Variants in COL24A1 observed in about 807,000 individuals in gnomAD.
COL24A1 encodes collagen type XXIV alpha 1 chain.
A neutral mutation model predicts 253.9 loss-of-function variants in COL24A1; 224 were observed. The ratio of observed to expected loss-of-function variants is 0.88; its 90% CI spans 0.79 to 0.99. COL24A1 has a LOEUF of 0.99. Ranked by LOEUF, COL24A1 falls within the 50% of genes least tolerant of loss-of-function variation. The probability of loss-of-function intolerance (pLI) is 0.00; values close to 1 mark genes in which losing one functional copy is unlikely to be tolerated. For missense variants in COL24A1, 2,131 were observed against 2,068.5 expected (o/e 1.03, Z -0.59); for synonymous variants, 685 against 673.7 (o/e 1.02, Z -0.26).
At chr1:85,893,444 C>T (rs966863758) in intron 31 of COL24A1, among the ~76,000 whole-genome samples, 22 of 152,146 alleles carry the variant, frequency 1.4e-4, no homozygotes, top group African/African-American at 5.1e-4. Context: ...AGAATTTTTA[C>T]ACCCATCTCA....
chr1:85,961,601 A>T (rs955651944), intron 23 of COL24A1, among the ~76,000 whole-genome samples: 1 of 152,190 alleles, frequency 6.6e-6, no homozygotes. Context: ...GTAACGTATC[A>T]GTCTGTTCTC....
intron 19 of COL24A1, among the ~76,000 whole-genome samples, chr1:85,997,067 A>ATATATATATATATATATATATC (rs1694884578): frequency 1.3e-5 from 1 of 79,230 alleles, no homozygotes; most frequent in Non-Finnish European, 2.7e-5. Flanking sequence ...ATATATATAT[A>ATATATATATATATATATATATC]TATATATATA....
intron 2 of COL24A1, among the ~76,000 whole-genome samples, chr1:86,128,141 C>T (rs1205622618): frequency 6.6e-6 from 1 of 151,970 alleles, no homozygotes; most frequent in African/African-American, 2.4e-5. Flanking sequence ...ATACCTTTGA[C>T]TTCTTATGTT....
At chr1:85,807,357 A>G (rs1306777181) in intron 47 of COL24A1, among the ~76,000 whole-genome samples, 1 of 152,252 alleles carries the variant, frequency 6.6e-6, no homozygotes, top group Admixed American at 6.5e-5. Context: ...GTTAAGAAAC[A>G]TCATTGGAAA....
chr1:86,041,576 A>G (rs1699486990), intron 12 of COL24A1, among the ~76,000 whole-genome samples: 1 of 152,124 alleles, frequency 6.6e-6, no homozygotes, highest in Non-Finnish European at 1.5e-5. Flanking sequence ...ACTTTGCACT[A>G]AAAAGGAAGC....
At chr1:86,008,562 C>T (rs947989048) in intron 19 of COL24A1, among the ~76,000 whole-genome samples, 2 of 152,128 alleles carry the variant, frequency 1.3e-5, no homozygotes, top group Admixed American at 6.5e-5. Context: ...CATGAGGAAT[C>T]ACTATAATGT....
chr1:85,786,244 A>T lies in COL24A1; in HGVS notation c.4059+110T>A. ...TCCTAACGTGCTTTTACTATTAGCCAAATTCTATTAAAAACTATTAATCTT... is the reference window on the plus strand; with the variant it reads ...TCCTAACGTGCTTTTACTATTAGCCTAATTCTATTAAAAACTATTAATCTT... On this transcript the variant is annotated intron_variant, in intron 48 of 59. Coordinates refer to ENST00000370571, the MANE Select transcript of COL24A1 (RefSeq NM_152890.7). 6.2e-6 allele frequency: 6 copies of T among 965,168 alleles called. No homozygotes were observed. In the Admixed American group the frequency reaches 1.4e-4, roughly 23 times the overall value. 59.8% of individuals were successfully genotyped at this position (965,168 alleles called of 1,614,324 possible). A position where few individuals can be genotyped will look rare whatever the true frequency, so the allele number is the denominator to read the frequency against.
Position 85,863,766 on chromosome 1 carries a change from A to G in COL24A1, c.3300+4753T>C, listed in dbSNP as rs1268412233. On this transcript the variant is annotated intron_variant, in intron 37 of 59. Transcript: ENST00000370571. ...GTGAACAGACACTTCTCAAAAGAAG[A>G]CATCTATGCAGCCAACAGACAGATG... Among the ~76,000 whole-genome samples the G allele has an allele frequency of 3.3e-5, 5 of 152,348 alleles. No homozygotes were observed. The East Asian group carries it at 9.6e-4, about 29-fold the overall frequency.
intron 53 of COL24A1, among the ~76,000 whole-genome samples, chr1:85,764,443 C>G: frequency 6.9e-6 from 1 of 144,646 alleles, no homozygotes; most frequent in Non-Finnish European, 1.5e-5. Context: ...TACTCTTGAT[C>G]TAGGTGGAGG....
intron 35 of COL24A1, among the ~76,000 whole-genome samples, chr1:85,872,284 G>T (rs1268128242): frequency 6.6e-6 from 1 of 152,154 alleles, no homozygotes; most frequent in Non-Finnish European, 1.5e-5. Flanking sequence ...GTAGTTTATA[G>T]ATTCAATACC....
chr1:85,817,902 G>A (rs1570740548), intron 46 of COL24A1, 132 bp downstream of exon 46: 2 of 741,026 alleles, frequency 2.7e-6, no homozygotes, highest in Admixed American at 5.0e-5. Flanking sequence ...GTTCCAGCAT[G>A]GGTTTAATTT....
intron 5 of COL24A1, among the ~76,000 whole-genome samples, chr1:86,092,699 T>C (rs984912597): frequency 3.3e-5 from 5 of 151,950 alleles, no homozygotes; most frequent in Admixed American, 1.3e-4. Flanking sequence ...AGAAAACTTC[T>C]TATAATAATC....
chr1:85,918,738 T>A (rs1019382925), intron 24 of COL24A1, among the ~76,000 whole-genome samples: 2 of 152,224 alleles, frequency 1.3e-5, no homozygotes, highest in African/African-American at 4.8e-5. Context: ...CCAATATTTT[T>A]TAAATCTCTG....
At chr1:85,988,162 T>A (rs912982937) in intron 19 of COL24A1, among the ~76,000 whole-genome samples, 13 of 151,738 alleles carry the variant, frequency 8.6e-5, no homozygotes, top group Admixed American at 4.6e-4. Flanking sequence ...GTTTTGTATC[T>A]AACCCAACTA....
intron 10 of COL24A1, among the ~76,000 whole-genome samples, chr1:86,054,677 T>G (rs1282610162): frequency 6.6e-6 from 1 of 152,132 alleles, no homozygotes; most frequent in African/African-American, 2.4e-5. Context: ...AAGGGAACAC[T>G]TATACACTGC....
Position 86,111,586 on chromosome 1 carries a change from G to A in COL24A1, c.1599+981C>T, listed in dbSNP as rs535748169. 2.7e-4 allele frequency among the ~76,000 whole-genome samples: 40 copies of A among 150,092 alleles called. No individual in the cohort carries two copies. The East Asian group carries it at 5.7e-3, about 21-fold the overall frequency. On this transcript the variant is annotated intron_variant, in intron 5 of 59. Transcript: ENST00000370571. ...GCAGGATGTGGGTGAAGTCAGAAAA[G>A]GGGATAAAAGCAGGCTGCCCGAGCC...
At chr1:86,010,820 A>T (rs941228511) in intron 19 of COL24A1, among the ~76,000 whole-genome samples, 4 of 152,184 alleles carry the variant, frequency 2.6e-5, no homozygotes, top group Non-Finnish European at 5.9e-5. Context: ...TTTTTAAATA[A>T]AAAAAGCAGA....
intron 24 of COL24A1, among the ~76,000 whole-genome samples, chr1:85,943,072 G>A (rs1043510007): frequency 6.6e-6 from 1 of 152,160 alleles, no homozygotes. Context: ...TCAGGGCCTG[G>A]AGAGAACCAA....
chr1:85,841,270 T>G lies in COL24A1; in HGVS notation c.3579A>C (p.Pro1193=). The change falls in exon 42 of 60, where the codon CCA becomes CCC. Residue 1193 remains proline (P), a synonymous_variant. Coordinates refer to ENST00000370571, the MANE Select transcript of COL24A1 (RefSeq NM_152890.7). ...GTCCTAGGACTGTGCTATCTTCTCC[T>G]GGGTAGCCCTAAAATGAAATAATGA... The part of the protein sequence containing the change: ...LPGPKGEKGY[P]GEDSTVLGPP... The G allele has an allele frequency of 6.3e-7, 1 of 1,595,590 alleles. No homozygotes were observed. The highest frequency in any genetic ancestry group is 8.5e-7 in the Non-Finnish European group (1 of 1,171,868).
Sources: allele counts gnomAD v4.1 joint callset (sites outside exome capture counted in the v4.1 genomes callset), GRCh38; gene constraint gnomAD v4.1.1; transcripts MANE v1.5; gene names NCBI Gene and HGNC (gene_info 2026-07-23, HGNC 2026-07-21).